Variants in EYA4 observed in about 807,000 individuals in gnomAD.
The protein encoded by EYA4 is EYA transcriptional coactivator and phosphatase 4.
In EYA4, 31 loss-of-function variants were observed where a neutral mutation model predicts 87.9. The observed-to-expected ratio is 0.35, with a 90% confidence interval of 0.27 to 0.48. The LOEUF is 0.48. Among genes scored for constraint, EYA4 ranks in the 20% least tolerant of loss-of-function variants. The pLI, the probability that EYA4 is intolerant of heterozygous loss-of-function variation, is 0.99. For synonymous variants in EYA4, 263 were observed against 270.6 expected (o/e 0.97, Z 0.28); for missense variants, 678 against 761.4 (o/e 0.89, Z 1.29).
At chr6:133,400,063 G>A (rs1788124519) in intron 3 of EYA4, among the ~76,000 whole-genome samples, 2 of 152,130 alleles carry the variant, frequency 1.3e-5, no homozygotes, top group South Asian at 4.1e-4. Flanking sequence ...AATCAGAATA[G>A]CAGCATATTT....
At chr6:133,289,977 T>G (rs1778356768) in intron 2 of EYA4, among the ~76,000 whole-genome samples, 1 of 152,184 alleles carries the variant, frequency 6.6e-6, no homozygotes, top group Non-Finnish European at 1.5e-5. Context: ...TTGCTTTGCT[T>G]TCATTATTTT....
In EYA4 at chr6:133,301,560, G is replaced by A. The variant is rs188846428; in HGVS notation, c.33+26747G>A. Among the ~76,000 whole-genome samples, 52 of 152,324 alleles carry A rather than the reference G, an allele frequency of 3.4e-4. No individual in the cohort carries two copies. In the Middle Eastern group the frequency reaches 0.014, roughly 40 times the overall value. ...TTATCAAGGAATTACTGCACATTAA[G>A]CATGTGTTAAGTATTCTACATGTGT... On this transcript the variant is annotated intron_variant, in intron 2 of 19. Transcript: ENST00000355286.
At chr6:133,497,445 C>A (rs1037646849) in intron 13 of EYA4, among the ~76,000 whole-genome samples, 4 of 152,080 alleles carry the variant, frequency 2.6e-5, no homozygotes, top group African/African-American at 9.7e-5. Context: ...TCAACACTGT[C>A]TTTTCCAAGC....
chr6:133,241,055 C>A (rs937368688), upstream of EYA4, among the ~76,000 whole-genome samples: 45 of 149,036 alleles, frequency 3.0e-4, 1 homozygote, highest in African/African-American at 1.1e-3. Context: ...GGGGTGGGGG[C>A]GGCGCGGAGG....
intron 3 of EYA4, among the ~76,000 whole-genome samples, chr6:133,394,303 T>TG (rs1787596223): frequency 6.9e-6 from 1 of 144,294 alleles, no homozygotes; most frequent in African/African-American, 2.7e-5. Context: ...TTTTTTTTTT[T>TG]TTTTTTTTTT....
chr6:133,415,080 A>G (rs211593), intron 3 of EYA4, among the ~76,000 whole-genome samples: 57,295 of 152,068 alleles, frequency 0.38, 14,046 homozygotes, highest in Non-Finnish European at 0.54. Flanking sequence ...TAACTAACCA[A>G]AGTTCACAAA....
intron 13 of EYA4, 63 bp downstream of exon 13, chr6:133,483,178 C>A: frequency 3.2e-6 from 4 of 1,234,514 alleles, no homozygotes; most frequent in Non-Finnish European, 3.6e-6. Flanking sequence ...TGTTTAAAAT[C>A]AAGGGCTATT....
chr6:133,462,464 C>G lies in EYA4; in HGVS notation c.567C>G (p.Ser189Arg). 6.2e-7 allele frequency: 1 copy of G among 1,614,006 alleles called. No individual in the cohort carries two copies. Among genetic ancestry groups the G allele is most frequent in the Non-Finnish European group, 8.5e-7 (1 of 1,179,950 alleles). ...ACTCACAGACAGGACAGCCCTACAG[C>G]TTGCCCACTTACGGTATTTCACATC... Reference protein sequence around the residue: ...TAYSQTGQPYSLPTYDLGVML... With the variant: ...TAYSQTGQPYRLPTYDLGVML... Residue 189 changes from serine (S) to arginine (R), a missense_variant, in exon 8 of 20, where the codon AGC becomes AGG. Coordinates refer to ENST00000355286, the MANE Select transcript of EYA4 (RefSeq NM_004100.5).
chr6:133,388,876 T>C (rs1787004406), intron 3 of EYA4, among the ~76,000 whole-genome samples: 1 of 152,190 alleles, frequency 6.6e-6, no homozygotes, highest in Non-Finnish European at 1.5e-5. Context: ...CTTTTTCATG[T>C]ATAATCTCTG....
intron 13 of EYA4, among the ~76,000 whole-genome samples, chr6:133,485,121 A>G (rs1361538768): frequency 6.6e-6 from 1 of 152,234 alleles, no homozygotes; most frequent in Non-Finnish European, 1.5e-5. Context: ...AGCAAAGTTC[A>G]ACTTCTCTCA....
chr6:133,315,843 C>A (rs1780579954), intron 2 of EYA4, among the ~76,000 whole-genome samples: 1 of 152,092 alleles, frequency 6.6e-6, no homozygotes, highest in African/African-American at 2.4e-5. Context: ...TGTTTTGCAT[C>A]TTCTAATAGA....
At chr6:133,264,239 A>T (rs1776023245) in intron 1 of EYA4, among the ~76,000 whole-genome samples, 2 of 152,146 alleles carry the variant, frequency 1.3e-5, no homozygotes, top group Admixed American at 1.3e-4. Flanking sequence ...GGGAGCAAAA[A>T]ACACCCCTGG....
chr6:133,373,372 A>G (rs968318173), intron 2 of EYA4, among the ~76,000 whole-genome samples: 18 of 152,060 alleles, frequency 1.2e-4, no homozygotes, highest in African/African-American at 2.9e-4. Flanking sequence ...GTTGCGAAAA[A>G]CATGAGCAAA....
chr6:133,366,297 G>T (rs561267645), intron 2 of EYA4, among the ~76,000 whole-genome samples: 2 of 152,288 alleles, frequency 1.3e-5, no homozygotes, highest in African/African-American at 2.4e-5. Flanking sequence ...AAAGAGTTCA[G>T]CACTGGACAT....
At position 133,431,773 on chromosome 6, in the gene EYA4, A is replaced by G. The variant is rs535723729; in HGVS notation, c.84-14857A>G. Among the ~76,000 whole-genome samples the G allele has an allele frequency of 2.6e-5, 4 of 152,310 alleles. No individual in the cohort carries two copies. In the East Asian group the frequency reaches 7.7e-4, roughly 29 times the overall value. ...ACTGTTGGAGTGCTTTAAATTTATA[A>G]CATTGTGTGTTCCCCTTAAATGTTC... On this transcript the variant is annotated intron_variant, in intron 3 of 19. Coordinates refer to ENST00000355286, the MANE Select transcript of EYA4 (RefSeq NM_004100.5).
At chr6:133,393,807 C>T (rs1326802957) in intron 3 of EYA4, among the ~76,000 whole-genome samples, 1 of 152,212 alleles carries the variant, frequency 6.6e-6, no homozygotes, top group Non-Finnish European at 1.5e-5. Flanking sequence ...CTCTCTGCCA[C>T]ACCACACACA....
At chr6:133,463,956 G>A (rs946823676) in intron 9 of EYA4, among the ~76,000 whole-genome samples, 1 of 150,996 alleles carries the variant, frequency 6.6e-6, no homozygotes, top group Non-Finnish European at 1.5e-5. Flanking sequence ...CCATGTGACA[G>A]ACAGTATTTT....
chr6:133,458,716 A>G (rs1036404749), intron 6 of EYA4, among the ~76,000 whole-genome samples: 2 of 152,146 alleles, frequency 1.3e-5, no homozygotes, highest in Admixed American at 6.6e-5. Flanking sequence ...GTCCCCTGGC[A>G]GGCAAAATTC....
At chr6:133,396,179 G>A (rs544187240) in intron 3 of EYA4, among the ~76,000 whole-genome samples, 2 of 152,264 alleles carry the variant, frequency 1.3e-5, no homozygotes, top group Admixed American at 1.3e-4. Flanking sequence ...TCCATAGGAA[G>A]CTCTTCTAAT....
Sources: gnomAD v4.1 joint callset for allele counts (sites outside exome capture counted in the v4.1 genomes callset) on GRCh38, gnomAD v4.1.1 for gene constraint, MANE v1.5 for transcripts, NCBI Gene and HGNC (gene_info 2026-07-23, HGNC 2026-07-21) for gene names.